Variants in EMX1 observed in about 807,000 individuals in gnomAD.
EMX1 encodes the protein empty spiracles homeobox 1.
Under a neutral mutation model 20.1 loss-of-function variants are expected in EMX1, and 10 were observed. The ratio of observed to expected loss-of-function variants is 0.50; its 90% CI spans 0.31 to 0.84. The LOEUF is 0.84. EMX1 is among the 40% of genes least tolerant of loss of function. The probability of loss-of-function intolerance (pLI) is 0.05; values close to 1 mark genes in which losing one functional copy is unlikely to be tolerated. For missense variants in EMX1, 424 were observed against 431.9 expected (o/e 0.98, Z 0.16); for synonymous variants, 250 against 200.4 (o/e 1.25, Z -2.09).
At chr2:72,916,906 G>A (rs1424756014), upstream of EMX1, 28 of 717,282 alleles carry the variant, frequency 3.9e-5, no homozygotes, top group Admixed American at 5.4e-4. Context: ...GTGGCAGTGG[G>A]ACCGCTCCGG....
chr2:72,921,764 G>A (rs1408934480), intron 1 of EMX1, among the ~76,000 whole-genome samples: 1 of 152,128 alleles, frequency 6.6e-6, no homozygotes, highest in Non-Finnish European at 1.5e-5. Context: ...ACCACAACTG[G>A]ACATGACAAT....
At chr2:72,923,888 A>C in intron 1 of EMX1, 1 of 269,564 alleles carries the variant, frequency 3.7e-6, no homozygotes, top group Admixed American at 4.8e-5. Flanking sequence ...ACTGAAAGCA[A>C]ATCGTTGGGG....
rs1440952960 is a variant in EMX1 at position 72,933,882 on chromosome 2, T to C, written c.801T>C (p.His267=). ...CCGAGCAGAAGAAGAAGGGCTCCCA[T>C]CACATCAACCGGTGGCGCATTGCCA... ...PESEQKKKGS[H]HINRWRIATK... Residue 267 remains histidine (H), a synonymous_variant, in exon 3 of 3, where the codon CAT becomes CAC. Coordinates refer to ENST00000258106, the MANE Select transcript of EMX1 (RefSeq NM_004097.3). 9 of 1,614,226 alleles carry C rather than the reference T, an allele frequency of 5.6e-6. No homozygotes were observed. Among genetic ancestry groups the C allele is most frequent in the Non-Finnish European group, 6.8e-6 (8 of 1,180,034 alleles).
At chr2:72,925,403 G>T (rs1050779189) in intron 2 of EMX1, 12 of 1,255,040 alleles carry the variant, frequency 9.6e-6, no homozygotes, top group East Asian at 6.1e-5. Context: ...AATAAATGCT[G>T]CCTGGGATCA....
At chr2:72,931,772 T>C (rs1219922413) in intron 2 of EMX1, among the ~76,000 whole-genome samples, 3 of 152,244 alleles carry the variant, frequency 2.0e-5, no homozygotes, top group African/African-American at 7.2e-5. Context: ...CAACCCTTCC[T>C]GGGCCAGCTT....
chr2:72,925,462 C>T (rs998629720), intron 2 of EMX1: 2 of 1,288,628 alleles, frequency 1.6e-6, no homozygotes, highest in South Asian at 2.5e-5. Context: ...GAGTGGGGCT[C>T]AGCGACCCTC....
chr2:72,928,185 A>G (rs1355893441), intron 2 of EMX1, among the ~76,000 whole-genome samples: 1 of 152,214 alleles, frequency 6.6e-6, no homozygotes, highest in Non-Finnish European at 1.5e-5. Flanking sequence ...GGCAAGGGCT[A>G]GTTCTCCCTT....
chr2:72,918,914 C>CTTGG (rs1046871721), intron 1 of EMX1, among the ~76,000 whole-genome samples: 3 of 152,208 alleles, frequency 2.0e-5, no homozygotes, highest in Admixed American at 6.5e-5. Flanking sequence ...GCCTGGCTGT[C>CTTGG]TTGGGATGTT....
In EMX1 at chr2:72,924,452, C is replaced by T. The variant is rs1212921059; in HGVS notation, c.664C>T (p.Arg222Trp). 6.3e-7 allele frequency: 1 copy of T among 1,596,216 alleles called. No homozygotes were observed. The highest frequency in any genetic ancestry group is 8.5e-7 in the Non-Finnish European group (1 of 1,175,972). ...EKNHYVVGAERKQLAGSLSLS... is the reference protein window; with the variant it reads ...EKNHYVVGAEWKQLAGSLSLS... ...GAACCACTACGTGGTGGGCGCCGAGCGGAAGCAGCTGGCCGGCAGTCTCAG... is the reference window on the plus strand; with the variant it reads ...GAACCACTACGTGGTGGGCGCCGAGTGGAAGCAGCTGGCCGGCAGTCTCAG... Residue 222 changes from arginine to tryptophan, a missense_variant, in exon 2 of 3, where the codon CGG becomes TGG. Around this residue, in one of 2 missense-constraint regions of EMX1, gnomAD observed 91 missense variants for 135.2 expected, o/e 0.67. Coordinates refer to ENST00000258106, the MANE Select transcript of EMX1 (RefSeq NM_004097.3).
rs1671340622 is a variant in EMX1, at chr2:72,934,878, G to A, written c.*924G>A. On this transcript the variant is annotated 3_prime_UTR_variant, in exon 3 of 3. Coordinates refer to ENST00000258106, the MANE Select transcript of EMX1 (RefSeq NM_004097.3). ...GGGCTTAAGGCTGAGCCTGCAACCA[G>A]TCCCCAGTGACTCAGGGCCTCCTCA... 6.6e-6 allele frequency: 1 copy of A among 152,206 alleles called. No individual in the cohort carries two copies. Among genetic ancestry groups the A allele is most frequent in the Admixed American group, 6.5e-5 (1 of 15,274 alleles). 9.4% of individuals were successfully genotyped at this position (152,206 alleles called of 1,614,324 possible). A position where few individuals can be genotyped will look rare whatever the true frequency, so the allele number is the denominator to read the frequency against.
In EMX1 at chr2:72,924,507, G is replaced by A. The variant is rs781194177; in HGVS notation, c.705+14G>A. 4 of 1,562,514 alleles carry A rather than the reference G, an allele frequency of 2.6e-6. No individual in the cohort carries two copies. The African/African-American group carries it at 5.4e-5, about 21-fold the overall frequency. On this transcript the variant is annotated intron_variant, in intron 2 of 2. Coordinates refer to ENST00000258106, the MANE Select transcript of EMX1 (RefSeq NM_004097.3). ...TCCGAGACGCAGGTAATCACCCCCG[G>A]TCGCGGCCTGCCCTGCGCCCGGAGC...
Position 72,918,262 on chromosome 2 carries a change from G to C in EMX1, c.410G>C (p.Gly137Ala). The C allele has an allele frequency of 6.3e-7, 1 of 1,577,540 alleles. No homozygotes were observed. Among genetic ancestry groups the C allele is most frequent in the Non-Finnish European group, 8.5e-7 (1 of 1,172,412 alleles). Reference protein sequence around the residue: ...ALTVHPAHQLGASPLQPPHSF... With the variant: ...ALTVHPAHQLAASPLQPPHSF... ...ACCGTGCATCCGGCGCACCAGCTGGGCGCCTCCCCGCTGCAGCCCCCGCAC... is the reference window on the plus strand; with the variant it reads ...ACCGTGCATCCGGCGCACCAGCTGGCCGCCTCCCCGCTGCAGCCCCCGCAC... The change falls in exon 1 of 3, where the codon GGC (glycine) becomes GCC (alanine). Residue 137 changes from glycine to alanine, a missense_variant. Gly to Ala is a moderately conservative substitution (Grantham distance 60). Around this residue, in one of 2 missense-constraint regions of EMX1, gnomAD observed 333 missense variants for 296.6 expected, o/e 1.12. Transcript: ENST00000258106.
At chr2:72,920,697 G>A (rs1671085808) in intron 1 of EMX1, among the ~76,000 whole-genome samples, 1 of 152,254 alleles carries the variant, frequency 6.6e-6, no homozygotes, top group South Asian at 2.1e-4. Flanking sequence ...CGGTCCCGGC[G>A]CGCGGGGAAG....
Position 72,917,785 on chromosome 2 carries a change from C to G in EMX1, c.-68C>G. 4 of 1,250,756 alleles carry G rather than the reference C, an allele frequency of 3.2e-6. No individual in the cohort carries two copies. The highest frequency in any genetic ancestry group is 4.0e-6 in the Non-Finnish European group (4 of 998,230). The allele number at this position is 1,250,756 out of a possible 1,614,324, so 77.5% of individuals were successfully genotyped here. ...TCACACACCCCTCGCCGCTCCGCGC[C>G]TGGCTCGCCCGCGGGGGCCGAGCGC... On this transcript the variant is annotated 5_prime_UTR_variant, in exon 1 of 3. Transcript: ENST00000258106.
intron 1 of EMX1, among the ~76,000 whole-genome samples, chr2:72,921,095 C>T (rs1052317580): frequency 6.6e-6 from 1 of 152,212 alleles, no homozygotes; most frequent in African/African-American, 2.4e-5. Flanking sequence ...GCGAAGACTG[C>T]GGCTCGAAGA....
At chr2:72,928,829 G>C (rs904820617) in intron 2 of EMX1, among the ~76,000 whole-genome samples, 1 of 152,204 alleles carries the variant, frequency 6.6e-6, no homozygotes, top group Non-Finnish European at 1.5e-5. Flanking sequence ...AGAAACGCTT[G>C]AGAAGATGGC....
chr2:72,924,547 G>T, intron 2 of EMX1, 54 bp downstream of exon 2: 1 of 1,486,004 alleles, frequency 6.7e-7, no homozygotes, highest in Non-Finnish European at 8.9e-7. Flanking sequence ...GTGGAGGTGA[G>T]GGTGCGCGGG....
In EMX1 at chr2:72,930,180, A is replaced by G. The variant is rs1444139192; in HGVS notation, c.706-3607A>G. The stretch of plus-strand genomic sequence containing the variant: ...CATAGGCTTGTCCAGCCAGATGACT[A>G]TACATGGAACATGTCCTCTGGGCAG... On this transcript the variant is annotated intron_variant, in intron 2 of 2. Transcript: ENST00000258106. The surrounding 1 kb of genome is among the most constrained non-coding windows in gnomAD (Gnocchi z 4.4). Among the ~76,000 whole-genome samples the G allele has an allele frequency of 6.6e-6, 1 of 152,208 alleles. No individual in the cohort carries two copies. The highest frequency in any genetic ancestry group is 1.9e-4 in the East Asian group (1 of 5,194).
Position 72,917,679 on chromosome 2 carries a change from C to T in EMX1, c.-174C>T. 1 of 418,724 alleles carries T rather than the reference C, an allele frequency of 2.4e-6. No individual in the cohort carries two copies. The allele number at this position is 418,724 out of a possible 1,614,324, so 25.9% of individuals were successfully genotyped here. On this transcript the variant is annotated 5_prime_UTR_variant, in exon 1 of 3. Coordinates refer to ENST00000258106, the MANE Select transcript of EMX1 (RefSeq NM_004097.3). ...GCCTAGCACGGAGCCCGCGCCTGTG[C>T]GGGCGCCTGGAGCTGCCCGCTCCGC...
Sources: gnomAD v4.1 joint callset for allele counts (sites outside exome capture counted in the v4.1 genomes callset) on GRCh38, gnomAD v4.1.1 for gene constraint, gnomAD v4.1.1 regional missense constraint, Gnocchi (gnomAD v3.1) non-coding constraint, MANE v1.5 for transcripts, NCBI Gene and HGNC (gene_info 2026-07-23, HGNC 2026-07-21) for gene names.